The following DIAPH2 variants were observed in gnomAD, a reference collection of about 807,000 sequenced individuals.
DIAPH2 encodes diaphanous related formin 2.
Under a neutral mutation model 92.7 loss-of-function variants are expected in DIAPH2, and 35 were observed. The observed-to-expected ratio is 0.38, with a 90% confidence interval of 0.29 to 0.50. The LOEUF (loss-of-function observed/expected upper bound fraction) is 0.50, where lower values mean the gene tolerates loss of function less well. Ranked by LOEUF, DIAPH2 falls within the 20% of genes least tolerant of loss-of-function variation. The probability of loss-of-function intolerance (pLI) is 0.94; values close to 1 mark genes in which losing one functional copy is unlikely to be tolerated. For synonymous variants in DIAPH2, 301 were observed against 280.4 expected (o/e 1.07, Z -0.73); for missense variants, 701 against 819.5 (o/e 0.86, Z 1.77).
At chrX:97,582,784 C>G (rs1374855669) in intron 26 of DIAPH2, among the ~76,000 whole-genome samples, 4 of 111,210 alleles carry the variant, frequency 3.6e-5, no homozygotes, top group Non-Finnish European at 3.8e-5. Context: ...CAACTTGGTT[C>G]CATTCTCCCC....
At chrX:96,864,105 A>C (rs958389214) in intron 4 of DIAPH2, among the ~76,000 whole-genome samples, 1 of 111,184 alleles carries the variant, frequency 9.0e-6, no homozygotes, top group Non-Finnish European at 1.9e-5. Flanking sequence ...TTTTAAATAG[A>C]TAAAGCTTAC....
At chrX:97,356,393 A>T (rs1319208142) in intron 24 of DIAPH2, among the ~76,000 whole-genome samples, 1 of 111,473 alleles carries the variant, frequency 9.0e-6, no homozygotes, top group Admixed American at 9.6e-5. Context: ...AATCATATAC[A>T]CCCAGATAAT....
intron 26 of DIAPH2, among the ~76,000 whole-genome samples, chrX:97,517,774 T>C (rs2070960628): frequency 8.9e-6 from 1 of 112,095 alleles, no homozygotes; most frequent in African/African-American, 3.2e-5. Context: ...CTAGCCCTGC[T>C]TTTTTTAAAG....
chrX:96,928,991 C>T (rs994910903), intron 9 of DIAPH2, among the ~76,000 whole-genome samples: 11 of 111,481 alleles, frequency 9.9e-5, no homozygotes, highest in African/African-American at 3.6e-4. Flanking sequence ...TTGTTTCTTA[C>T]AGAAATGTTC....
chrX:97,442,510 C>T (rs1392877975), intron 26 of DIAPH2, among the ~76,000 whole-genome samples: 2 of 112,601 alleles, frequency 1.8e-5, no homozygotes, highest in Non-Finnish European at 3.7e-5. Flanking sequence ...GGAAAATAAA[C>T]ATTTATTCTA....
intron 26 of DIAPH2, among the ~76,000 whole-genome samples, chrX:97,556,708 CAG>C (rs2071259691): frequency 1.8e-5 from 2 of 111,725 alleles, no homozygotes; most frequent in Non-Finnish European, 3.8e-5. Context: ...TCATAGGTAA[CAG>C]GGGTCAGGAC....
chrX:97,000,295 C>A (rs1270672901), intron 17 of DIAPH2, among the ~76,000 whole-genome samples: 1 of 111,796 alleles, frequency 8.9e-6, no homozygotes, highest in Non-Finnish European at 1.9e-5. Flanking sequence ...TACATTATTT[C>A]CCAATTGTCC....
At chrX:96,878,420 T>C (rs760187729) in intron 4 of DIAPH2, among the ~76,000 whole-genome samples, 1 of 111,925 alleles carries the variant, frequency 8.9e-6, no homozygotes, top group African/African-American at 3.2e-5. Context: ...GAAGAACTGA[T>C]CTTTAAGGGC....
chrX:97,558,527 G>A (rs2071272344), intron 26 of DIAPH2, among the ~76,000 whole-genome samples: 1 of 111,277 alleles, frequency 9.0e-6, no homozygotes, highest in African/African-American at 3.3e-5. Flanking sequence ...AGCCAGTAAG[G>A]GGTCTCATAC....
chrX:96,946,113 C>T (rs1252614874), intron 14 of DIAPH2, among the ~76,000 whole-genome samples: 1 of 110,180 alleles, frequency 9.1e-6, no homozygotes, highest in African/African-American at 3.3e-5. Flanking sequence ...GATGCTGCTA[C>T]TTCATGTAGG....
chrX:97,531,720 G>A (rs767072457), intron 26 of DIAPH2, among the ~76,000 whole-genome samples: 4 of 111,882 alleles, frequency 3.6e-5, no homozygotes, highest in Non-Finnish European at 5.6e-5. Flanking sequence ...ATTACAATTC[G>A]ATATGTAGAG....
intron 26 of DIAPH2, among the ~76,000 whole-genome samples, chrX:97,455,646 C>A (rs2070397581): frequency 8.9e-6 from 1 of 112,212 alleles, no homozygotes; most frequent in African/African-American, 3.2e-5. Flanking sequence ...GTTGTTGTTA[C>A]TCATTCCTCT....
At chrX:97,591,224 C>G in intron 26 of DIAPH2, among the ~76,000 whole-genome samples, 1 of 111,773 alleles carries the variant, frequency 8.9e-6, no homozygotes, top group Non-Finnish European at 1.9e-5. Context: ...AGAAGTTGTC[C>G]CTGACTCCCA....
intron 4 of DIAPH2, among the ~76,000 whole-genome samples, chrX:96,829,423 G>A (rs2064835527): frequency 1.2e-5 from 1 of 80,509 alleles, no homozygotes; most frequent in African/African-American, 5.7e-5. Flanking sequence ...AAAATCAATA[G>A]CATTTACATA....
At chrX:97,556,861 A>C (rs2071260893) in intron 26 of DIAPH2, among the ~76,000 whole-genome samples, 1 of 111,784 alleles carries the variant, frequency 8.9e-6, no homozygotes, top group Non-Finnish European at 1.9e-5. Context: ...ATAGGGGTAG[A>C]CATAAATATA....
intron 25 of DIAPH2, among the ~76,000 whole-genome samples, chrX:97,391,742 A>G: frequency 9.0e-6 from 1 of 110,977 alleles, no homozygotes; most frequent in Non-Finnish European, 1.9e-5. Context: ...TTTATGTGGC[A>G]TGCAAAATTA....
chrX:97,465,405 T>A (rs1413567919), intron 26 of DIAPH2, among the ~76,000 whole-genome samples: 1 of 112,013 alleles, frequency 8.9e-6, no homozygotes, highest in Non-Finnish European at 1.9e-5. Flanking sequence ...AAAAATGACA[T>A]CTGTACTAAA....
intron 23 of DIAPH2, among the ~76,000 whole-genome samples, chrX:97,251,926 A>G (rs1215395473): frequency 1.8e-5 from 2 of 111,718 alleles, no homozygotes; most frequent in Non-Finnish European, 3.8e-5. Context: ...AGTATTCAGC[A>G]TGCCAAGGTA....
intron 4 of DIAPH2, among the ~76,000 whole-genome samples, chrX:96,769,466 T>A (rs755723113): frequency 9.3e-4 from 104 of 112,207 alleles, no homozygotes; most frequent in Middle Eastern, 4.6e-3. Context: ...ACTCTCTGTA[T>A]ATTGCTGCTG....
Sources: allele counts gnomAD v4.1 joint callset (sites outside exome capture counted in the v4.1 genomes callset), GRCh38; gene constraint gnomAD v4.1.1; transcripts MANE v1.5; gene names NCBI Gene and HGNC (gene_info 2026-07-23, HGNC 2026-07-21).